The following C2CD2 variants were observed in gnomAD, a reference collection of about 807,000 sequenced individuals.
C2CD2 encodes the protein C2 calcium dependent domain containing 2, also known as C2 domain-containing protein 2.
In C2CD2, 43 loss-of-function variants were observed where a neutral mutation model predicts 74.3. That is an observed-to-expected ratio of 0.58 (90% CI 0.45 to 0.75). C2CD2 has a LOEUF of 0.75. Among genes scored for constraint, C2CD2 ranks in the 30% least tolerant of loss-of-function variants. The pLI is 0.00. For synonymous variants in C2CD2, 422 were observed against 390.7 expected (o/e 1.08, Z -0.94); for missense variants, 801 against 916.3 (o/e 0.87, Z 1.63).
chr21:41,902,994 C>CA (rs1569060157), intron 11 of C2CD2, among the ~76,000 whole-genome samples: 1 of 152,124 alleles, frequency 6.6e-6, no homozygotes, highest in Non-Finnish European at 1.5e-5. Context: ...AGATTGAGCT[C>CA]AAATCACCAA....
At chr21:41,941,352 T>C (rs940130335) in intron 2 of C2CD2, among the ~76,000 whole-genome samples, 15 of 152,080 alleles carry the variant, frequency 9.9e-5, no homozygotes, top group Non-Finnish European at 2.2e-4. Flanking sequence ...CGAGATCCCA[T>C]CCCTAAAACA....
rs1226779486 is a variant in C2CD2 at position 41,918,086 on chromosome 21, A to G, written c.720+19T>C. 1 of 1,613,928 alleles carries G rather than the reference A, an allele frequency of 6.2e-7. No individual in the cohort carries two copies. Among genetic ancestry groups the G allele is most frequent in the Non-Finnish European group, 8.5e-7 (1 of 1,179,820 alleles). On this transcript the variant is annotated intron_variant, in intron 5 of 13. Coordinates refer to ENST00000380486, the MANE Select transcript of C2CD2 (RefSeq NM_015500.2). ...CCTAACGGGGTTCAGATGCACCCAC[A>G]GCACCCAGATGAGTTTACCTGAGCT...
Position 41,926,035 on chromosome 21 carries a change from G to C in C2CD2, c.379-3950C>G, listed in dbSNP as rs1160978533. Among the ~76,000 whole-genome samples, 1 of 152,134 alleles carries C rather than the reference G, an allele frequency of 6.6e-6. No homozygotes were observed. The highest frequency in any genetic ancestry group is 2.4e-5 in the African/African-American group (1 of 41,422). ...CTGAAACAGTCTGCTATTAATACAGGATTTTAAAAAGTTAAATAGAAGCAA... is the reference window on the plus strand; with the variant it reads ...CTGAAACAGTCTGCTATTAATACAGCATTTTAAAAAGTTAAATAGAAGCAA... On this transcript the variant is annotated intron_variant, in intron 2 of 13. Transcript: ENST00000380486. This position sits in a 1 kb window ranked among gnomAD's most constrained non-coding sequence, Gnocchi z 8.0.
Position 41,954,000 on chromosome 21 carries a change from G to A in C2CD2, c.-352C>T, listed in dbSNP as rs1036413236. On this transcript the variant is annotated 5_prime_UTR_variant, in exon 1 of 14. Coordinates refer to ENST00000380486, the MANE Select transcript of C2CD2 (RefSeq NM_015500.2). ...CCGGGCGTCCCGCCCGCGGCCCAGC[G>A]GTGGCCGGAGGAGGCTCTGGCCGCG... The A allele has an allele frequency of 1.4e-5, 2 of 147,096 alleles. No individual in the cohort carries two copies. The highest frequency in any genetic ancestry group is 3.0e-5 in the Non-Finnish European group (2 of 66,088). 9.1% of individuals were successfully genotyped at this position (147,096 alleles called of 1,614,324 possible). A position where few individuals can be genotyped will look rare whatever the true frequency, so the allele number is the denominator to read the frequency against.
intron 10 of C2CD2, among the ~76,000 whole-genome samples, chr21:41,906,494 T>G (rs916222693): frequency 6.6e-6 from 1 of 152,158 alleles, no homozygotes; most frequent in Non-Finnish European, 1.5e-5. Context: ...GCCTCCAGAG[T>G]GGCTAGGACT....
intron 12 of C2CD2, 144 bp downstream of exon 12, chr21:41,901,478 G>A (rs2064895863): frequency 2.4e-6 from 2 of 832,184 alleles, no homozygotes; most frequent in Non-Finnish European, 4.1e-6. Context: ...CTCCTTTGTG[G>A]GGTGAGGAAC....
intron 2 of C2CD2, among the ~76,000 whole-genome samples, chr21:41,933,407 C>A (rs2065279997): frequency 1.3e-5 from 2 of 152,190 alleles, no homozygotes; most frequent in Admixed American, 1.3e-4. Flanking sequence ...CGCTGCCCTA[C>A]ACGGCAGTTC....
chr21:41,891,105 G>A lies in C2CD2; in HGVS notation c.1871-1761C>T, dbSNP rs191382434. 3.4e-3 allele frequency among the ~76,000 whole-genome samples: 518 copies of A among 151,754 alleles called. 4 individuals carry two copies. Among genetic ancestry groups the A allele is most frequent in the South Asian group, 0.016 (75 of 4,786 alleles). Reference sequence around the variant, plus strand: ...TTAGGAGCCTGTGTGCAGGGGCTTCGGGGACTGCTGGAAAAGGAATGAAAA... The same window carrying A: ...TTAGGAGCCTGTGTGCAGGGGCTTCAGGGACTGCTGGAAAAGGAATGAAAA... On this transcript the variant is annotated intron_variant, in intron 13 of 13. Transcript: ENST00000380486.
In C2CD2 at chr21:41,907,037, T is replaced by C. The variant is rs968725871; in HGVS notation, c.1273A>G (p.Thr425Ala). The change falls in exon 10 of 14, where the codon ACC (threonine) becomes GCC (alanine). Residue 425 changes from threonine to alanine, a missense_variant. Coordinates refer to ENST00000380486, the MANE Select transcript of C2CD2 (RefSeq NM_015500.2). ...CTCCCCACGTCGACGCGAGGCTTGG[T>C]CTTCACAGCAGTGACAGTAGTGACC... is the stretch of plus-strand genomic sequence containing the variant. ...TVVTTVTAVK[T>A]KPRVDVGRAS... The C allele has an allele frequency of 2.8e-5, 45 of 1,614,032 alleles. No homozygotes were observed. Among genetic ancestry groups the C allele is most frequent in the Non-Finnish European group, 2.8e-5 (33 of 1,180,014 alleles).
In C2CD2 at chr21:41,889,685, CT is replaced by C. The variant is rs530779546; in HGVS notation, c.1871-342del. On this transcript the variant is annotated intron_variant, in intron 13 of 13. Coordinates refer to ENST00000380486, the MANE Select transcript of C2CD2 (RefSeq NM_015500.2). Reference sequence around the variant, plus strand: ...CTTGCTGTCTGTCGCCCAGGCTGGACTGCAGTGGCGCGATCTTGGCTCACTG... The same window carrying C: ...CTTGCTGTCTGTCGCCCAGGCTGGACGCAGTGGCGCGATCTTGGCTCACTG... Among the ~76,000 whole-genome samples the C allele has an allele frequency of 1.9e-3, 292 of 151,232 alleles. 2 individuals are homozygous for C. Among genetic ancestry groups the C allele is most frequent in the African/African-American group, 6.8e-3 (282 of 41,202 alleles).
intron 2 of C2CD2, among the ~76,000 whole-genome samples, chr21:41,935,301 G>C (rs1464212137): frequency 6.6e-6 from 1 of 152,208 alleles, no homozygotes; most frequent in East Asian, 1.9e-4. Context: ...AAATGCAGAA[G>C]CAAAAGACTG....
intron 12 of C2CD2, 171 bp downstream of exon 12, chr21:41,901,451 C>T (rs896394880): frequency 6.9e-6 from 5 of 719,446 alleles, no homozygotes; most frequent in Admixed American, 4.1e-5. Flanking sequence ...ACTGTGTAAA[C>T]ACAACACCAC....
Position 41,889,340 on chromosome 21 carries a change from T to C in C2CD2, c.1875A>G (p.Gly625=), listed in dbSNP as rs563176763. 1.2e-6 allele frequency: 2 copies of C among 1,612,552 alleles called. No individual in the cohort carries two copies. The highest frequency in any genetic ancestry group is 3.3e-5 in the Admixed American group (2 of 59,972). ...EPGTAKKHKG[G]ILRKGAKLFF... ...ACAGCTTTGCACCTTTCCTTAGAAT[T>C]CCTCCTGGAAGAGGGAGGCACAAGG... The change falls in exon 14 of 14, where the codon GGA becomes GGG. Residue 625 remains glycine (G), a synonymous_variant. Transcript: ENST00000380486.
chr21:41,913,055 G>A (rs550995781), intron 6 of C2CD2, among the ~76,000 whole-genome samples: 54 of 152,322 alleles, frequency 3.5e-4, no homozygotes, highest in Non-Finnish European at 1.2e-4. Context: ...GACCCTCCCC[G>A]AGAGGCAGCA....
chr21:41,918,849 G>C lies in C2CD2; in HGVS notation c.597+7C>G, dbSNP rs2065122839. 1 of 1,608,512 alleles carries C rather than the reference G, an allele frequency of 6.2e-7. No homozygotes were observed. The highest frequency in any genetic ancestry group is 8.5e-7 in the Non-Finnish European group (1 of 1,175,014). On this transcript the variant is annotated splice_region_variant and intron_variant, in intron 4 of 13. Transcript: ENST00000380486. The stretch of plus-strand genomic sequence containing the variant: ...AATGGAAGAATCATAAAAACTTACG[G>C]ACTGACCTCCCCCAGTGCTTTGGGC...
Position 41,953,779 on chromosome 21 carries a change from G to C in C2CD2, c.-131C>G. The C allele has an allele frequency of 1.2e-6, 1 of 858,318 alleles. No individual in the cohort carries two copies. 53.2% of individuals were successfully genotyped at this position (858,318 alleles called of 1,614,324 possible). On this transcript the variant is annotated 5_prime_UTR_variant, in exon 1 of 14. Coordinates refer to ENST00000380486, the MANE Select transcript of C2CD2 (RefSeq NM_015500.2). ...AGGGGGCGCGGCGGGGTCGGAGCCCGGCGAGGAGCGTGGCCGGGGGCCTCT... is the reference window on the plus strand; with the variant it reads ...AGGGGGCGCGGCGGGGTCGGAGCCCCGCGAGGAGCGTGGCCGGGGGCCTCT...
chr21:41,939,860 T>C lies in C2CD2; in HGVS notation c.378+2287A>G, dbSNP rs58308711. ...GGTCAAGCTGAAGTATGCACACCAG[T>C]GACCCGCCAGGCTCATGCCTGCCCT... On this transcript the variant is annotated intron_variant, in intron 2 of 13. Transcript: ENST00000380486. The surrounding 1 kb of genome is among the most constrained non-coding windows in gnomAD (Gnocchi z 5.5). 6.7e-3 allele frequency among the ~76,000 whole-genome samples: 1,018 copies of C among 152,302 alleles called. 11 individuals are homozygous for C. The highest frequency in any genetic ancestry group is 0.023 in the African/African-American group (967 of 41,552).
intron 2 of C2CD2, 47 bp downstream of exon 2, chr21:41,942,100 G>A (rs991042760): frequency 2.7e-5 from 41 of 1,542,198 alleles, no homozygotes; most frequent in African/African-American, 1.9e-4. Context: ...CCCCGTCCCC[G>A]GCATCAAGTT....
At chr21:41,889,694 C>T (rs1289479252) in intron 13 of C2CD2, among the ~76,000 whole-genome samples, 5 of 151,128 alleles carry the variant, frequency 3.3e-5, no homozygotes, top group Non-Finnish European at 7.4e-5. Context: ...ACTGCAGTGG[C>T]GCGATCTTGG....
Sources: allele counts gnomAD v4.1 joint callset (sites outside exome capture counted in the v4.1 genomes callset), GRCh38; gene constraint gnomAD v4.1.1; non-coding constraint Gnocchi (gnomAD v3.1); transcripts MANE v1.5; gene names NCBI Gene and HGNC (gene_info 2026-07-23, HGNC 2026-07-21).